TTC7A: variants seen among roughly 807,000 people sequenced by gnomAD.
TTC7A encodes the protein tetratricopeptide repeat domain 7A.
A neutral mutation model predicts 103.7 loss-of-function variants in TTC7A; 110 were observed. The observed-to-expected ratio is 1.06, with a 90% CI of 0.91 to 1.24. TTC7A has a LOEUF of 1.24. TTC7A is among the 50% of genes most tolerant of loss of function. The pLI is 0.00. For synonymous variants in TTC7A, 521 were observed against 467.9 expected, an observed-to-expected ratio of 1.11 and a Z score of -1.47; for missense variants, 1,340 against 1,116.3, an observed-to-expected ratio of 1.20 and a Z score of -2.86.
intron 10 of TTC7A, 58 bp downstream of exon 10, chr2:47,006,782 T>G: frequency 7.2e-7 from 1 of 1,383,796 alleles, no homozygotes; most frequent in Non-Finnish European, 1.0e-6. Flanking sequence ...TCTGCTGAGA[T>G]GGACAGAGGG....
chr2:46,986,996 C>G (rs556803784), intron 5 of TTC7A, among the ~76,000 whole-genome samples: 2 of 152,348 alleles, frequency 1.3e-5, no homozygotes, highest in African/African-American at 2.4e-5. Flanking sequence ...GAGTCTTGCC[C>G]TATTGATTCA....
chr2:47,062,214 T>C (rs961215932), intron 19 of TTC7A, among the ~76,000 whole-genome samples: 6 of 152,196 alleles, frequency 3.9e-5, no homozygotes, highest in African/African-American at 9.7e-5. Flanking sequence ...TGCAACGTCA[T>C]GGGGAGGAGC....
Position 47,051,758 on chromosome 2 carries a change from C to G in TTC7A, c.2030C>G (p.Ala677Gly). ...AHDADSGSRR[A>G]SSIAASRLEE... ...TCTTGCTCTGCAGGCTCCCGGCGGG[C>G]TTCGTCCATCGCCGCCTCCCGGCTG... Residue 677 changes from alanine (A) to glycine (G), a missense_variant, in exon 18 of 20, where the codon GCT becomes GGT. Physicochemically the swap from Ala to Gly is moderately conservative, Grantham distance 60. Coordinates refer to ENST00000319190, the MANE Select transcript of TTC7A (RefSeq NM_020458.4). The G allele has an allele frequency of 6.2e-7, 1 of 1,610,032 alleles. No individual in the cohort carries two copies. Among genetic ancestry groups the G allele is most frequent in the Non-Finnish European group, 8.5e-7 (1 of 1,179,072 alleles).
At chr2:47,034,116 G>T (rs749205128) in intron 15 of TTC7A, 1 of 152,254 alleles carries the variant, frequency 6.6e-6, no homozygotes, top group African/African-American at 2.4e-5. Context: ...GGCAAAAAAC[G>T]TGATGAGGCA....
intron 3 of TTC7A, among the ~76,000 whole-genome samples, chr2:46,958,944 C>A (rs1269231738): frequency 1.3e-5 from 2 of 152,184 alleles, no homozygotes; most frequent in Non-Finnish European, 2.9e-5. Context: ...TTCAGCCCCC[C>A]TCCATGCCAG....
intron 15 of TTC7A, among the ~76,000 whole-genome samples, chr2:47,042,970 G>A (rs536691082): frequency 1.3e-5 from 2 of 152,282 alleles, no homozygotes; most frequent in African/African-American, 2.4e-5. Context: ...TCCCCCAGGA[G>A]TCACAGCGTT....
At chr2:47,049,628 T>C (rs1558627549) in intron 16 of TTC7A, among the ~76,000 whole-genome samples, 3 of 152,090 alleles carry the variant, frequency 2.0e-5, no homozygotes. Flanking sequence ...ACTCTCTGCC[T>C]GGCACTCTGC....
intron 2 of TTC7A, among the ~76,000 whole-genome samples, chr2:46,920,391 A>T (rs1669040040): frequency 6.6e-6 from 1 of 152,028 alleles, no homozygotes; most frequent in African/African-American, 2.4e-5. Flanking sequence ...GTACAGTGGC[A>T]CGATCTTAGC....
At chr2:47,070,795 C>T (rs1016499016) in intron 19 of TTC7A, among the ~76,000 whole-genome samples, 1 of 152,182 alleles carries the variant, frequency 6.6e-6, no homozygotes, top group South Asian at 2.1e-4. Context: ...GTGGCTATAA[C>T]CAGCCCAAAG....
At chr2:47,062,649 G>T (rs1156515880) in intron 19 of TTC7A, among the ~76,000 whole-genome samples, 2 of 152,234 alleles carry the variant, frequency 1.3e-5, no homozygotes, top group African/African-American at 4.8e-5. Context: ...AAGCCTGCAG[G>T]CTCAGCCCTG....
intron 8 of TTC7A, among the ~76,000 whole-genome samples, chr2:47,005,078 T>A (rs1250083926): frequency 6.6e-6 from 1 of 152,152 alleles, no homozygotes; most frequent in Admixed American, 6.5e-5. Flanking sequence ...CCAGCAGCCA[T>A]CTGGCAACTC....
intron 12 of TTC7A, among the ~76,000 whole-genome samples, chr2:47,022,528 C>T (rs1464690874): frequency 6.6e-6 from 1 of 152,204 alleles, no homozygotes; most frequent in Non-Finnish European, 1.5e-5. Context: ...ACCCTGCCAG[C>T]TCAGCCATGT....
chr2:46,987,272 T>C (rs1483931015), intron 5 of TTC7A, among the ~76,000 whole-genome samples: 2 of 152,180 alleles, frequency 1.3e-5, no homozygotes, highest in African/African-American at 4.8e-5. Context: ...GACATGTTTT[T>C]TGGGGAGGCG....
chr2:47,045,017 G>A (rs1682165273), intron 15 of TTC7A, among the ~76,000 whole-genome samples: 1 of 152,228 alleles, frequency 6.6e-6, no homozygotes, highest in Admixed American at 6.5e-5. Flanking sequence ...GAGCAGGCCT[G>A]TGTGCTACCC....
At chr2:47,023,380 G>A (rs764122741) in intron 12 of TTC7A, 28 bp from the exon 13 acceptor site, 4 of 1,613,444 alleles carry the variant, frequency 2.5e-6, no homozygotes, top group Admixed American at 1.7e-5. Flanking sequence ...GACCCCTGAT[G>A]GCTCAGTTTC....
At chr2:47,013,426 C>G (rs1678289772) in intron 11 of TTC7A, among the ~76,000 whole-genome samples, 2 of 152,092 alleles carry the variant, frequency 1.3e-5, no homozygotes, top group Admixed American at 6.5e-5. Flanking sequence ...GCTCCCCGAC[C>G]CCAACTCAGG....
chr2:47,072,980 A>C (rs752957838), intron 19 of TTC7A, among the ~76,000 whole-genome samples: 3 of 152,174 alleles, frequency 2.0e-5, no homozygotes, highest in Non-Finnish European at 4.4e-5. Context: ...TGAGCCAAAC[A>C]GCAGGGCCAA....
chr2:47,049,920 C>T (rs1189673995), intron 16 of TTC7A, 29 bp from the exon 17 acceptor site: 2 of 1,585,290 alleles, frequency 1.3e-6, no homozygotes, highest in East Asian at 4.5e-5. Context: ...CTCTACCTTA[C>T]CGGACCCTGG....
At chr2:46,980,753 G>T (rs1447132509) in intron 5 of TTC7A, among the ~76,000 whole-genome samples, 1 of 152,204 alleles carries the variant, frequency 6.6e-6, no homozygotes, top group African/African-American at 2.4e-5. Context: ...GTCACAAATA[G>T]CAGGTTCCCA....
Sources: gnomAD v4.1 joint callset for allele counts (sites outside exome capture counted in the v4.1 genomes callset) on GRCh38, gnomAD v4.1.1 for gene constraint, MANE v1.5 for transcripts, NCBI Gene and HGNC (gene_info 2026-07-23, HGNC 2026-07-21) for gene names.